Variants in DSG1 observed in about 807,000 individuals in gnomAD.
DSG1 encodes desmoglein 1.
A neutral mutation model predicts 97.5 loss-of-function variants in DSG1; 39 were observed. The ratio of observed to expected loss-of-function variants is 0.40; its 90% CI spans 0.31 to 0.52. DSG1 has a LOEUF of 0.52. Among genes scored for constraint, DSG1 ranks in the 20% least tolerant of loss-of-function variants. The probability of loss-of-function intolerance (pLI) is 0.53; values close to 1 mark genes in which losing one functional copy is unlikely to be tolerated. For missense variants in DSG1, 1,311 were observed against 1,295.4 expected (o/e 1.01, Z -0.18); for synonymous variants, 475 against 443.4 (o/e 1.07, Z -0.90).
At chr18:31,335,179 C>T (rs2071744209) in intron 8 of DSG1, among the ~76,000 whole-genome samples, 1 of 152,110 alleles carries the variant, frequency 6.6e-6, no homozygotes, top group South Asian at 2.1e-4. Flanking sequence ...TCCCTCACAG[C>T]ATCCCTGCAA....
chr18:31,334,264 A>G, intron 8 of DSG1, 62 bp downstream of exon 8: 1 of 1,192,530 alleles, frequency 8.4e-7, no homozygotes, highest in Non-Finnish European at 1.2e-6. Flanking sequence ...GTTAAACTTA[A>G]AATAAAATGA....
At position 31,357,722 on chromosome 18, in the gene DSG1, T is replaced by C. The variant is rs115718557; in HGVS notation, c.*2376T>C. Among the ~76,000 whole-genome samples the C allele has an allele frequency of 0.016, 2,432 of 152,082 alleles. 64 individuals carry two copies. Among genetic ancestry groups the C allele is most frequent in the African/African-American group, 0.056 (2,306 of 41,540 alleles). ...GAAAAAACATGGCCATTTGAGTCAT[T>C]GAGTCATCTATCTTTCTAGGAAGAT... On this transcript the variant is annotated 3_prime_UTR_variant, in exon 15 of 15. Transcript: ENST00000257192.
chr18:31,319,350 G>A (rs1195923784), intron 1 of DSG1, among the ~76,000 whole-genome samples: 2 of 152,152 alleles, frequency 1.3e-5, no homozygotes, highest in Non-Finnish European at 2.9e-5. Flanking sequence ...GGAATGTTGG[G>A]TTGGTTGGTA....
chr18:31,343,508 C>T lies in DSG1; in HGVS notation c.1746C>T (p.Gly582=). 1 of 1,613,994 alleles carries T rather than the reference C, an allele frequency of 6.2e-7. No homozygotes were observed. The highest frequency in any genetic ancestry group is 2.2e-5 in the East Asian group (1 of 44,880). Residue 582 remains glycine (G), a synonymous_variant, in exon 12 of 15, where the codon GGC becomes GGT. Transcript: ENST00000257192. ...DCGGAPRSAA[G]FEPVPECSDG... The stretch of plus-strand genomic sequence containing the variant: ...GAGGTGCTCCTCGTAGTGCAGCTGG[C>T]TTTGAGCCTGTTCCCGAATGTTCAG...
Position 31,346,587 on chromosome 18 carries a change from TC to T in DSG1, c.2100+391del, listed in dbSNP as rs139127398. ...CATGTGTTTGCTTATCCTGTGCCCC[TC>T]CTGGAATGCTTGCATCCCACTATGT... On this transcript the variant is annotated intron_variant, in intron 14 of 14. Coordinates refer to ENST00000257192, the MANE Select transcript of DSG1 (RefSeq NM_001942.4). Among the ~76,000 whole-genome samples, 1,357 of 152,258 alleles carry T rather than the reference TC, an allele frequency of 8.9e-3. 23 individuals are homozygous for T. Among genetic ancestry groups the T allele is most frequent in the African/African-American group, 0.031 (1,269 of 41,546 alleles).
At chr18:31,347,563 T>TGGC (rs2144113908) in intron 14 of DSG1, 1 of 152,366 alleles carries the variant, frequency 6.6e-6, no homozygotes, top group South Asian at 2.1e-4. Flanking sequence ...TTTATATGAA[T>TGGC]GGCACAATGA....
chr18:31,353,532 A>C lies in DSG1; in HGVS notation c.2101-765A>C, dbSNP rs1598718075. Among the ~76,000 whole-genome samples the C allele has an allele frequency of 2.0e-5, 3 of 152,222 alleles. No homozygotes were observed. The East Asian group carries it at 5.8e-4, about 29-fold the overall frequency. ...GCTTCCTGTCTGCTTTGTTTACCTA[A>C]TCAAGCCTGGGCAATGGCGGGCGCC... On this transcript the variant is annotated intron_variant, in intron 14 of 14. Transcript: ENST00000257192.
At chr18:31,332,955 T>A (rs958720097) in intron 6 of DSG1, among the ~76,000 whole-genome samples, 1 of 152,154 alleles carries the variant, frequency 6.6e-6, no homozygotes, top group Non-Finnish European at 1.5e-5. Context: ...TCTGCAGCCA[T>A]TGGGAAGCCA....
At chr18:31,336,268 T>G (rs112011090) in intron 8 of DSG1, 86 bp from the exon 9 acceptor site, 4 of 1,100,428 alleles carry the variant, frequency 3.6e-6, no homozygotes, top group Non-Finnish European at 5.0e-6. Flanking sequence ...AGATAATAAG[T>G]TTTTTTTGCT....
intron 6 of DSG1, among the ~76,000 whole-genome samples, chr18:31,333,249 G>A (rs2071731484): frequency 6.6e-6 from 1 of 152,104 alleles, no homozygotes; most frequent in African/African-American, 2.4e-5. Flanking sequence ...GATTATTTAG[G>A]TTATGGAATA....
rs542862513 is a variant in DSG1 at position 31,354,195 on chromosome 18, C to A, written c.2101-102C>A. 1.6e-3 allele frequency: 1,560 copies of A among 991,438 alleles called. 1 individual carries two copies. Among genetic ancestry groups the A allele is most frequent in the Non-Finnish European group, 2.2e-3 (1,426 of 636,368 alleles). The allele number at this position is 991,438 out of a possible 1,614,324, so 61.4% of individuals were successfully genotyped here. A position where few individuals can be genotyped will look rare whatever the true frequency, so the allele number is the denominator to read the frequency against. ...GTTAAAATCTTGTTTTATTTCATTCCTCTTTGGAAATGCTCTGGAAGAAAA... is the reference window on the plus strand; with the variant it reads ...GTTAAAATCTTGTTTTATTTCATTCATCTTTGGAAATGCTCTGGAAGAAAA... On this transcript the variant is annotated intron_variant, in intron 14 of 14. Transcript: ENST00000257192.
At chr18:31,349,264 T>C (rs1326584777) in intron 14 of DSG1, among the ~76,000 whole-genome samples, 4 of 139,446 alleles carry the variant, frequency 2.9e-5, no homozygotes, top group Non-Finnish European at 4.6e-5. Flanking sequence ...TTGTCAAAGA[T>C]CAGATAGTTG....
At chr18:31,345,727 AT>A (rs1471476789) in intron 13 of DSG1, among the ~76,000 whole-genome samples, 1 of 152,126 alleles carries the variant, frequency 6.6e-6, no homozygotes, top group African/African-American at 2.4e-5. Context: ...TAGGACATAG[AT>A]TTTTTTTAAG....
rs182982295 is a variant in DSG1, at chr18:31,331,613, A to C, written c.518-88A>C. On this transcript the variant is annotated intron_variant, in intron 5 of 14. Transcript: ENST00000257192. ...AAGTCCACATCATAAGGATCAACTA[A>C]CTCTAACACTTTTTTGGAAAGGTGA... 1,462 of 1,232,848 alleles carry C rather than the reference A, an allele frequency of 1.2e-3. 2 individuals are homozygous for C. The highest frequency in any genetic ancestry group is 1.7e-3 in the Admixed American group (90 of 52,160). The allele number at this position is 1,232,848 out of a possible 1,614,324, so 76.4% of individuals were successfully genotyped here.
At chr18:31,348,091 T>G (rs1440951627) in intron 14 of DSG1, among the ~76,000 whole-genome samples, 3 of 150,938 alleles carry the variant, frequency 2.0e-5, no homozygotes, top group South Asian at 2.1e-4. Flanking sequence ...TAGCATTAGG[T>G]ATATCTCCCG....
intron 12 of DSG1, 123 bp downstream of exon 12, chr18:31,343,706 A>T: frequency 7.0e-7 from 1 of 1,427,132 alleles, no homozygotes; most frequent in Non-Finnish European, 9.8e-7. Flanking sequence ...AAGCTAATGG[A>T]GAAAATGAAG....
chr18:31,348,923 C>CAA (rs1182702596), intron 14 of DSG1, among the ~76,000 whole-genome samples: 2 of 97,344 alleles, frequency 2.1e-5, no homozygotes, highest in Non-Finnish European at 4.1e-5. Context: ...GTTGCCTGTT[C>CAA]ACTCTGATGG....
At chr18:31,351,930 C>G (rs1381200778) in intron 14 of DSG1, among the ~76,000 whole-genome samples, 1 of 151,214 alleles carries the variant, frequency 6.6e-6, no homozygotes. Context: ...TCCAATTTGC[C>G]AGTCTGTGTC....
At chr18:31,340,873 G>A (rs1413244893) in intron 11 of DSG1, among the ~76,000 whole-genome samples, 1 of 152,206 alleles carries the variant, frequency 6.6e-6, no homozygotes, top group Non-Finnish European at 1.5e-5. Flanking sequence ...ATAGACCGAG[G>A]GTTAAACTCT....
Sources: gnomAD v4.1 joint callset for allele counts (sites outside exome capture counted in the v4.1 genomes callset) on GRCh38, gnomAD v4.1.1 for gene constraint, MANE v1.5 for transcripts, NCBI Gene and HGNC (gene_info 2026-07-23, HGNC 2026-07-21) for gene names.